Variants in PPFIA2 observed in about 807,000 individuals in gnomAD.
The protein encoded by PPFIA2 is liprin-alpha-2.
In PPFIA2, 46 loss-of-function variants were observed where a neutral mutation model predicts 175.5. The observed-to-expected ratio is 0.26, with a 90% CI of 0.21 to 0.34. The LOEUF (loss-of-function observed/expected upper bound fraction) is 0.34, where lower values mean the gene tolerates loss of function less well. Among genes scored for constraint, PPFIA2 ranks in the 10% least tolerant of loss-of-function variants. The probability of loss-of-function intolerance (pLI) is 1.00; values close to 1 mark genes in which losing one functional copy is unlikely to be tolerated. For synonymous variants in PPFIA2, 568 were observed against 511.4 expected, an observed-to-expected ratio of 1.11 and a Z score of -1.49; for missense variants, 1,179 against 1,506.1, an observed-to-expected ratio of 0.78 and a Z score of 3.60.
At chr12:81,350,049 T>G (rs2059751229) in intron 17 of PPFIA2, among the ~76,000 whole-genome samples, 1 of 152,184 alleles carries the variant, frequency 6.6e-6, no homozygotes, top group South Asian at 2.1e-4. Context: ...ACAACTATAT[T>G]AACCTACTGG....
At chr12:81,707,415 GA>G (rs2077316282) in intron 3 of PPFIA2, among the ~76,000 whole-genome samples, 1 of 152,132 alleles carries the variant, frequency 6.6e-6, no homozygotes, top group South Asian at 2.1e-4. Flanking sequence ...AAAAACACAT[GA>G]AAAAATGCTC....
chr12:81,759,188 C>T (rs1414367700), intron 1 of PPFIA2, 92 bp downstream of exon 1: 1 of 141,802 alleles, frequency 7.1e-6, no homozygotes, highest in African/African-American at 2.6e-5. Context: ...CCCCCCGCCG[C>T]CCCCCCGCCG....
At chr12:81,561,021 G>A (rs1294948733) in intron 4 of PPFIA2, among the ~76,000 whole-genome samples, 2 of 152,056 alleles carry the variant, frequency 1.3e-5, no homozygotes, top group Non-Finnish European at 2.9e-5. Flanking sequence ...GTATGTATGT[G>A]TGTGTGTATT....
chr12:81,666,826 A>G (rs1442796988), intron 4 of PPFIA2, among the ~76,000 whole-genome samples: 1 of 152,154 alleles, frequency 6.6e-6, no homozygotes, highest in Non-Finnish European at 1.5e-5. Flanking sequence ...TCAAGGTTAC[A>G]AACAGCTATC....
At chr12:81,349,616 T>C (rs969041012) in intron 17 of PPFIA2, among the ~76,000 whole-genome samples, 1 of 143,842 alleles carries the variant, frequency 7.0e-6, no homozygotes, top group African/African-American at 2.8e-5. Context: ...AAATACTTAG[T>C]AGAAAAATGA....
At chr12:81,534,909 G>A (rs1306418789) in intron 4 of PPFIA2, among the ~76,000 whole-genome samples, 1 of 151,624 alleles carries the variant, frequency 6.6e-6, no homozygotes, top group Admixed American at 6.6e-5. Context: ...AAAGATTCAG[G>A]TTGATTGGAG....
At chr12:81,516,471 C>T (rs2062454321) in intron 4 of PPFIA2, among the ~76,000 whole-genome samples, 2 of 152,064 alleles carry the variant, frequency 1.3e-5, no homozygotes, top group Admixed American at 1.3e-4. Flanking sequence ...AAAGTTTGAA[C>T]CTATTTGGAA....
rs75431294 is a variant in PPFIA2 at position 81,722,717 on chromosome 12, G to A, written c.249+31256C>T. ...ACCTCAGGCAGGTTCCAGTTCCTACGAAGGAAGTTTTATATTATCAAAATA... is the reference window on the plus strand; with the variant it reads ...ACCTCAGGCAGGTTCCAGTTCCTACAAAGGAAGTTTTATATTATCAAAATA... On this transcript the variant is annotated intron_variant, in intron 3 of 32. Coordinates refer to ENST00000549396, the MANE Select transcript of PPFIA2 (RefSeq NM_003625.5). Among the ~76,000 whole-genome samples the A allele has an allele frequency of 5.5e-4, 83 of 150,762 alleles. No homozygotes were observed. In the East Asian group the frequency reaches 0.014, roughly 25 times the overall value.
chr12:81,475,868 A>G (rs1413756554), intron 4 of PPFIA2, among the ~76,000 whole-genome samples: 2 of 151,984 alleles, frequency 1.3e-5, no homozygotes, highest in South Asian at 2.1e-4. Flanking sequence ...CCCGCCACCA[A>G]GGCCGGCTAA....
chr12:81,628,754 T>C (rs184753088), intron 4 of PPFIA2, among the ~76,000 whole-genome samples: 5 of 152,312 alleles, frequency 3.3e-5, no homozygotes, highest in Non-Finnish European at 5.9e-5. Context: ...TTTCTCTTTT[T>C]TCTTTTTTCA....
chr12:81,421,536 C>T (rs1342571553), intron 7 of PPFIA2, among the ~76,000 whole-genome samples: 5 of 151,450 alleles, frequency 3.3e-5, no homozygotes, highest in Non-Finnish European at 5.9e-5. Context: ...CCACAATATA[C>T]ATAAAATATA....
intron 4 of PPFIA2, among the ~76,000 whole-genome samples, chr12:81,666,772 A>C (rs963895758): frequency 6.6e-6 from 1 of 152,104 alleles, no homozygotes. Context: ...AAAAAATAAA[A>C]AAAAGAAAAA....
At chr12:81,714,083 C>T (rs962080033) in intron 3 of PPFIA2, among the ~76,000 whole-genome samples, 2 of 150,842 alleles carry the variant, frequency 1.3e-5, no homozygotes, top group Non-Finnish European at 3.0e-5. Context: ...TCCAGGGGAC[C>T]AGCGTAATTG....
chr12:81,277,796 T>C (rs957249935), intron 27 of PPFIA2, among the ~76,000 whole-genome samples: 2 of 152,096 alleles, frequency 1.3e-5, no homozygotes, highest in African/African-American at 4.8e-5. Context: ...TTATAAGAAA[T>C]GGATACTCTC....
intron 22 of PPFIA2, among the ~76,000 whole-genome samples, chr12:81,300,244 C>T (rs1594264669): frequency 6.6e-6 from 1 of 152,022 alleles, no homozygotes; most frequent in Non-Finnish European, 1.5e-5. Context: ...TATACTTGGC[C>T]AGGAATATAT....
At chr12:81,740,968 C>T (rs533937496) in intron 3 of PPFIA2, among the ~76,000 whole-genome samples, 187 of 134,700 alleles carry the variant, frequency 1.4e-3, no homozygotes, top group African/African-American at 4.8e-3. Flanking sequence ...ATTATAAAGT[C>T]ATATAAATAT....
At chr12:81,353,694 C>T (rs749641313) in intron 16 of PPFIA2, among the ~76,000 whole-genome samples, 3 of 152,106 alleles carry the variant, frequency 2.0e-5, no homozygotes, top group Admixed American at 6.6e-5. Flanking sequence ...CAAGCACTCA[C>T]GACTTAAACT....
intron 4 of PPFIA2, among the ~76,000 whole-genome samples, chr12:81,547,304 C>A (rs2067149618): frequency 6.6e-6 from 1 of 152,108 alleles, no homozygotes; most frequent in African/African-American, 2.4e-5. Flanking sequence ...ATCTCTCAAT[C>A]TAAAACAAAA....
chr12:81,321,042 T>C (rs1921046), intron 22 of PPFIA2, among the ~76,000 whole-genome samples: 53,894 of 149,962 alleles, frequency 0.36, 10,500 homozygotes, highest in East Asian at 0.54. Context: ...AAAGCAAAAA[T>C]AAATAAATAA....
Sources: gnomAD v4.1 joint callset for allele counts (sites outside exome capture counted in the v4.1 genomes callset) on GRCh38, gnomAD v4.1.1 for gene constraint, MANE v1.5 for transcripts, NCBI Gene and HGNC (gene_info 2026-07-23, HGNC 2026-07-21) for gene names.